The following SGPP2 variants were observed in gnomAD, a reference collection of about 807,000 sequenced individuals.
SGPP2 encodes sphingosine 1-phosphate phosphohydrolase 2.
A neutral mutation model predicts 33.9 loss-of-function variants in SGPP2; 30 were observed. That is an observed-to-expected ratio of 0.89 (90% CI 0.66 to 1.20). SGPP2 has a LOEUF of 1.20. Ranked by LOEUF, SGPP2 falls within the 50% of genes most tolerant of loss-of-function variation. The pLI is 0.00. For synonymous variants in SGPP2, 233 were observed against 225.0 expected, an observed-to-expected ratio of 1.04 and a Z score of -0.32; for missense variants, 458 against 532.1, an observed-to-expected ratio of 0.86 and a Z score of 1.37.
intron 2 of SGPP2, among the ~76,000 whole-genome samples, chr2:222,496,880 T>G (rs1181056489): frequency 6.6e-6 from 1 of 152,186 alleles, no homozygotes; most frequent in Non-Finnish European, 1.5e-5. Flanking sequence ...CTGGCAGCAA[T>G]TCAATAAATA....
chr2:222,455,389 T>C (rs1339475243), intron 1 of SGPP2, among the ~76,000 whole-genome samples: 1 of 151,350 alleles, frequency 6.6e-6, no homozygotes, highest in Non-Finnish European at 1.5e-5. Flanking sequence ...AGGAGGAGAG[T>C]GTGCTTAGGA....
chr2:222,511,693 T>A (rs538967231), intron 2 of SGPP2, among the ~76,000 whole-genome samples: 61 of 152,298 alleles, frequency 4.0e-4, no homozygotes, highest in African/African-American at 1.4e-3. Flanking sequence ...CCACAGTAAT[T>A]TTTATTCTTT....
At chr2:222,549,761 A>G (rs556009314) in intron 4 of SGPP2, among the ~76,000 whole-genome samples, 1 of 152,200 alleles carries the variant, frequency 6.6e-6, no homozygotes, top group Non-Finnish European at 1.5e-5. Context: ...CAAATAATTT[A>G]AAAGGATACA....
In SGPP2 at chr2:222,456,407, G is replaced by A. The variant is rs1697575515; in HGVS notation, c.220-18161G>A. ...CTTGAAATGCAACTGGTACTATTGG[G>A]AACTGGATCTTTTATTTTGTTAAAT... On this transcript the variant is annotated intron_variant, in intron 1 of 4. Transcript: ENST00000321276. Among the ~76,000 whole-genome samples, 3 of 152,298 alleles carry A rather than the reference G, an allele frequency of 2.0e-5. No individual in the cohort carries two copies. In the South Asian group the frequency reaches 6.2e-4, roughly 32 times the overall value.
chr2:222,460,542 T>C lies in SGPP2; in HGVS notation c.220-14026T>C, dbSNP rs1175109603. 6.6e-6 allele frequency among the ~76,000 whole-genome samples: 1 copy of C among 152,236 alleles called. No homozygotes were observed. Among genetic ancestry groups the C allele is most frequent in the African/African-American group, 2.4e-5 (1 of 41,466 alleles). On this transcript the variant is annotated intron_variant, in intron 1 of 4. Coordinates refer to ENST00000321276, the MANE Select transcript of SGPP2 (RefSeq NM_152386.4). This position sits in a 1 kb window ranked among gnomAD's most constrained non-coding sequence, Gnocchi z 4.3. ...GAATGTGAATCCACTGGTGACCGTT[T>C]ACAGCAGCACATCTCTGATCATGGC...
rs1295382108 is a variant in SGPP2 at position 222,558,597 on chromosome 2, T to C, written c.899T>C (p.Val300Ala). The change falls in exon 5 of 5, where the codon GTA becomes GCA. Residue 300 changes from valine to alanine, a missense_variant. Transcript: ENST00000321276. ...TGGATCAACCATTTCTTCCAGCTTG[T>C]ATCCAAGCCCGCTGAATCTCTCCCT... The part of the protein sequence containing the change: ...GFWINHFFQL[V>A]SKPAESLPVI... 6.8e-6 allele frequency: 11 copies of C among 1,614,202 alleles called. No homozygotes were observed. The Middle Eastern group carries it at 9.9e-4, about 145-fold the overall frequency.
intron 4 of SGPP2, among the ~76,000 whole-genome samples, chr2:222,538,288 A>G (rs1483486168): frequency 6.6e-6 from 1 of 152,230 alleles, no homozygotes; most frequent in Non-Finnish European, 1.5e-5. Flanking sequence ...AAAAAGAGTA[A>G]CTTTTAGTGT....
intron 4 of SGPP2, among the ~76,000 whole-genome samples, chr2:222,527,530 G>A (rs1698777115): frequency 6.6e-6 from 1 of 152,224 alleles, no homozygotes; most frequent in Non-Finnish European, 1.5e-5. Context: ...AGCTATGGTT[G>A]AGAGCCATTA....
At chr2:222,553,101 A>T (rs1689325395) in intron 4 of SGPP2, among the ~76,000 whole-genome samples, 1 of 152,228 alleles carries the variant, frequency 6.6e-6, no homozygotes, top group Non-Finnish European at 1.5e-5. Context: ...GGCAACACAC[A>T]GCAATAGCAA....
At chr2:222,481,132 T>G (rs1340169070) in intron 2 of SGPP2, among the ~76,000 whole-genome samples, 1 of 152,126 alleles carries the variant, frequency 6.6e-6, no homozygotes, top group African/African-American at 2.4e-5. Flanking sequence ...GAATAGCTAA[T>G]GGATACTGGG....
At chr2:222,435,173 C>T (rs994824996) in intron 1 of SGPP2, among the ~76,000 whole-genome samples, 1 of 151,974 alleles carries the variant, frequency 6.6e-6, no homozygotes, top group Non-Finnish European at 1.5e-5. Flanking sequence ...CAAGGAGAGC[C>T]AGTCTGAGTT....
intron 2 of SGPP2, among the ~76,000 whole-genome samples, chr2:222,500,317 T>G (rs969913424): frequency 1.3e-5 from 2 of 152,052 alleles, no homozygotes; most frequent in African/African-American, 4.8e-5. Context: ...GATTCTGACT[T>G]CCAGCTGGAT....
intron 1 of SGPP2, among the ~76,000 whole-genome samples, chr2:222,445,494 A>G (rs184272656): frequency 6.6e-6 from 1 of 152,154 alleles, no homozygotes; most frequent in Non-Finnish European, 1.5e-5. Flanking sequence ...CCACATAGGC[A>G]TTTCAATTCA....
chr2:222,430,074 G>C (rs1697128689), intron 1 of SGPP2, among the ~76,000 whole-genome samples: 1 of 132,682 alleles, frequency 7.5e-6, no homozygotes, highest in Non-Finnish European at 1.6e-5. Flanking sequence ...CAAATAAAAG[G>C]ATGCAGTGCA....
intron 4 of SGPP2, among the ~76,000 whole-genome samples, chr2:222,545,943 C>T (rs1303688898): frequency 3.3e-5 from 5 of 152,124 alleles, no homozygotes; most frequent in Admixed American, 6.5e-5. Flanking sequence ...AATTGATGCA[C>T]GCTGATTGGA....
intron 4 of SGPP2, among the ~76,000 whole-genome samples, chr2:222,543,941 T>C (rs1689134019): frequency 6.6e-6 from 1 of 152,226 alleles, no homozygotes; most frequent in African/African-American, 2.4e-5. Context: ...TTTTGTAATA[T>C]TGACTATTCC....
At chr2:222,450,187 C>G (rs1697462438) in intron 1 of SGPP2, among the ~76,000 whole-genome samples, 1 of 152,166 alleles carries the variant, frequency 6.6e-6, no homozygotes, top group Admixed American at 6.5e-5. Context: ...ACTAACTGTT[C>G]CAGCACCCCA....
At chr2:222,509,282 G>A (rs568556085) in intron 2 of SGPP2, among the ~76,000 whole-genome samples, 41 of 152,114 alleles carry the variant, frequency 2.7e-4, no homozygotes, top group Non-Finnish European at 5.1e-4. Context: ...AGTTGTCCTG[G>A]TTTGATCATT....
chr2:222,554,740 T>C (rs1380686393), intron 4 of SGPP2, among the ~76,000 whole-genome samples: 2 of 152,158 alleles, frequency 1.3e-5, no homozygotes, highest in Non-Finnish European at 2.9e-5. Context: ...GCAACTATAC[T>C]GGGAACCTCG....
Sources: gnomAD v4.1 joint callset for allele counts (sites outside exome capture counted in the v4.1 genomes callset) on GRCh38, gnomAD v4.1.1 for gene constraint, Gnocchi (gnomAD v3.1) non-coding constraint, MANE v1.5 for transcripts, NCBI Gene and HGNC (gene_info 2026-07-23, HGNC 2026-07-21) for gene names.